PRIM2: variants seen among roughly 807,000 people sequenced by gnomAD.
PRIM2 encodes the protein DNA primase large subunit.
Under a neutral mutation model 67.3 loss-of-function variants are expected in PRIM2, and 39 were observed. The ratio of observed to expected loss-of-function variants is 0.58; its 90% CI spans 0.45 to 0.76. PRIM2 has a LOEUF of 0.76. PRIM2 is among the 30% of genes least tolerant of loss of function. PRIM2 has a pLI of 0.00. For synonymous variants in PRIM2, 143 were observed against 198.7 expected, an observed-to-expected ratio of 0.72 and a Z score of 2.36; for missense variants, 398 against 598.7, an observed-to-expected ratio of 0.66 and a Z score of 3.50.
At chr6:57,402,680 T>C (rs913315316) in intron 7 of PRIM2, among the ~76,000 whole-genome samples, 4 of 152,202 alleles carry the variant, frequency 2.6e-5, no homozygotes, top group Non-Finnish European at 1.5e-5. Context: ...TGAATAAGAA[T>C]AGCAGAAGAT....
At chr6:57,538,615 T>C (rs1775068079) in intron 10 of PRIM2, among the ~76,000 whole-genome samples, 1 of 152,220 alleles carries the variant, frequency 6.6e-6, no homozygotes, top group African/African-American at 2.4e-5. Context: ...TTATGTTTTA[T>C]GTTAGTTTGC....
intron 12 of PRIM2, among the ~76,000 whole-genome samples, chr6:57,625,825 G>T (rs1776941255): frequency 6.6e-6 from 1 of 152,174 alleles, no homozygotes; most frequent in Non-Finnish European, 1.5e-5. Context: ...GGGAAACTTG[G>T]CCCTGATCTG....
At chr6:57,456,281 G>T (rs1050600810) in intron 7 of PRIM2, among the ~76,000 whole-genome samples, 1 of 152,158 alleles carries the variant, frequency 6.6e-6, no homozygotes, top group Non-Finnish European at 1.5e-5. Context: ...TGCTCTTCTC[G>T]AGGAGTATCT....
intron 13 of PRIM2, among the ~76,000 whole-genome samples, chr6:57,642,124 C>G (rs1777247969): frequency 6.6e-6 from 1 of 152,156 alleles, no homozygotes; most frequent in African/African-American, 2.4e-5. Context: ...AGCAAACTAA[C>G]ACAAGAACAG....
chr6:57,458,224 C>T (rs1264253627), intron 7 of PRIM2, among the ~76,000 whole-genome samples: 3 of 152,114 alleles, frequency 2.0e-5, no homozygotes, highest in Non-Finnish European at 2.9e-5. Context: ...AGATTGCAGT[C>T]ATAATTTGAA....
intron 13 of PRIM2, among the ~76,000 whole-genome samples, chr6:57,639,952 T>C (rs1777200094): frequency 6.6e-6 from 1 of 151,948 alleles, no homozygotes; most frequent in Admixed American, 6.6e-5. Flanking sequence ...TTCTGGCCAA[T>C]ATCCCTGGTG....
At chr6:57,242,482 C>T in the PRIM2 span, among the ~76,000 whole-genome samples, 2 of 151,854 alleles carry the variant, frequency 1.3e-5, no homozygotes, top group African/African-American at 2.4e-5. Context: ...TGTTTTGTGG[C>T]TAAAAAATGG....
intron 5 of PRIM2, among the ~76,000 whole-genome samples, chr6:57,351,817 C>T (rs1768865806): frequency 6.6e-6 from 1 of 152,068 alleles, no homozygotes; most frequent in South Asian, 2.1e-4. Flanking sequence ...ATAGTATTTG[C>T]AACTGTGAAA....
At chr6:57,630,742 A>G (rs1777025644) in intron 12 of PRIM2, among the ~76,000 whole-genome samples, 1 of 152,142 alleles carries the variant, frequency 6.6e-6, no homozygotes, top group East Asian at 1.9e-4. Context: ...ATATTAATAT[A>G]TTATTATAGA....
rs576781536 is a variant in PRIM2, at chr6:57,447,083, G to C, written c.694-60304G>C. On this transcript the variant is annotated intron_variant, in intron 7 of 13. Coordinates refer to ENST00000615550, the MANE Select transcript of PRIM2 (RefSeq NM_000947.5). ...TCTGATTTGGCCTAGGCTAGTGGCA[G>C]TGCCACCAGGCAATTGCTTAAAATC... Among the ~76,000 whole-genome samples, 84 of 152,362 alleles carry C rather than the reference G, an allele frequency of 5.5e-4. 3 individuals carry two copies. In the South Asian group the frequency reaches 0.017, roughly 32 times the overall value.
the PRIM2 span, among the ~76,000 whole-genome samples, chr6:57,228,713 T>C: frequency 6.6e-6 from 1 of 152,226 alleles, no homozygotes; most frequent in Non-Finnish European, 1.5e-5. Flanking sequence ...AATCCCTATA[T>C]TTGAATTCCA....
the PRIM2 span, among the ~76,000 whole-genome samples, chr6:57,232,868 G>T: frequency 6.6e-6 from 1 of 152,144 alleles, no homozygotes; most frequent in Non-Finnish European, 1.5e-5. Context: ...AATGGAATTG[G>T]ATGCTTTTGG....
intron 7 of PRIM2, among the ~76,000 whole-genome samples, chr6:57,489,919 T>C (rs1358593347): frequency 1.3e-5 from 2 of 150,242 alleles, no homozygotes; most frequent in Non-Finnish European, 2.9e-5. Context: ...AGCAAAATTG[T>C]TTTAAGTGTT....
chr6:57,268,923 A>G, the PRIM2 span, among the ~76,000 whole-genome samples: 3 of 151,112 alleles, frequency 2.0e-5, no homozygotes, highest in African/African-American at 2.4e-5. Flanking sequence ...TGAGAATGAT[A>G]ATTTCCAATT....
chr6:57,408,927 G>A (rs1201665929), intron 7 of PRIM2, among the ~76,000 whole-genome samples: 1 of 152,024 alleles, frequency 6.6e-6, no homozygotes, highest in African/African-American at 2.4e-5. Context: ...TCCCAGACTG[G>A]TCTCAAACTC....
At chr6:57,263,703 A>C in the PRIM2 span, among the ~76,000 whole-genome samples, 3 of 152,364 alleles carry the variant, frequency 2.0e-5, no homozygotes, top group Admixed American at 6.5e-5. Flanking sequence ...ATAAGATTTT[A>C]AAATTGAATA....
At chr6:57,364,508 A>G (rs1769292617) in intron 5 of PRIM2, among the ~76,000 whole-genome samples, 1 of 152,176 alleles carries the variant, frequency 6.6e-6, no homozygotes, top group Non-Finnish European at 1.5e-5. Flanking sequence ...CAGCTTCTCA[A>G]AAACTTCATT....
chr6:57,618,804 A>C (rs1301315377), intron 12 of PRIM2, among the ~76,000 whole-genome samples: 1 of 151,878 alleles, frequency 6.6e-6, no homozygotes, highest in African/African-American at 2.4e-5. Context: ...TCAGACACGC[A>C]TAGCCCCACC....
the PRIM2 span, among the ~76,000 whole-genome samples, chr6:57,264,679 C>A: frequency 2.6e-5 from 4 of 150,970 alleles, no homozygotes; most frequent in Non-Finnish European, 4.4e-5. Context: ...TCACGGCAAC[C>A]TCCCCCTCCT....
Sources: allele counts gnomAD v4.1 joint callset (sites outside exome capture counted in the v4.1 genomes callset), GRCh38; gene constraint gnomAD v4.1.1; transcripts MANE v1.5; gene names NCBI Gene and HGNC (gene_info 2026-07-23, HGNC 2026-07-21).